COL6A5: variants seen among roughly 807,000 people sequenced by gnomAD.
The protein encoded by COL6A5 is collagen alpha-5(VI) chain.
COL6A5 carries 48 observed loss-of-function variants against 65.6 expected under a neutral mutation model. That is an observed-to-expected ratio of 0.73 (90% confidence interval 0.58 to 0.93). COL6A5 has a LOEUF of 0.93. COL6A5 is among the 40% of genes least tolerant of loss of function. The pLI is 0.00. For synonymous variants in COL6A5, 291 were observed against 322.8 expected (o/e 0.90, Z 1.05); for missense variants, 914 against 928.3 (o/e 0.98, Z 0.20).
rs546584990 is a variant in COL6A5, at chr3:130,417,757, A to G, written c.4887+938A>G. Among the ~76,000 whole-genome samples the G allele has an allele frequency of 7.9e-5, 12 of 152,260 alleles. No homozygotes were observed. In the East Asian group the frequency reaches 2.3e-3, roughly 30 times the overall value. On this transcript the variant is annotated intron_variant and NMD_transcript_variant, in intron 24 of 41. Transcript: ENST00000312481. ...GGTCCTGTGACCTGTGCAGCCACAC[A>G]GGTGGCCTTGCTGAGAAGAACCCCC...
At chr3:130,374,020 A>C (rs953672386) in intron 2 of COL6A5, among the ~76,000 whole-genome samples, 1 of 152,192 alleles carries the variant, frequency 6.6e-6, no homozygotes, top group African/African-American at 2.4e-5. Context: ...CTCATAAATG[A>C]AAGAAAAGGA....
intron 25 of COL6A5, among the ~76,000 whole-genome samples, chr3:130,419,277 G>A (rs562233015): frequency 6.6e-6 from 1 of 152,218 alleles, no homozygotes; most frequent in South Asian, 2.1e-4. Context: ...AGTCTAAGGT[G>A]ACAATAAGAG....
At chr3:130,431,297 T>G, upstream of COL6A5, 1 of 774,464 alleles carries the variant, frequency 1.3e-6, no homozygotes, top group Non-Finnish European at 2.2e-6. Context: ...GCTTCAAGTT[T>G]GCAGGCCAGA....
intron 1 of COL6A5, among the ~76,000 whole-genome samples, chr3:130,437,965 C>T (rs180676110): frequency 8.7e-4 from 132 of 151,958 alleles, no homozygotes; most frequent in Middle Eastern, 6.8e-3. Context: ...CCCACTAGAA[C>T]GTAAGATAGA....
In COL6A5 at chr3:130,370,588, A is replaced by G. The variant is rs541110095; in HGVS notation, c.-28-3023A>G. ...AATAAGCTTATATCTGAAGAAAATTATTCATTTCAGAAGCATGAACAATAA... is the reference window on the plus strand; with the variant it reads ...AATAAGCTTATATCTGAAGAAAATTGTTCATTTCAGAAGCATGAACAATAA... On this transcript the variant is annotated intron_variant and NMD_transcript_variant, in intron 1 of 41. Coordinates refer to the COL6A5 transcript ENST00000312481. Among the ~76,000 whole-genome samples, 68 of 152,316 alleles carry G rather than the reference A, an allele frequency of 4.5e-4. No homozygotes were observed. The Middle Eastern group carries it at 0.01, about 23-fold the overall frequency.
chr3:130,482,065 C>T (rs1249564492), intron 7 of COL6A5, among the ~76,000 whole-genome samples: 1 of 152,116 alleles, frequency 6.6e-6, no homozygotes, highest in Non-Finnish European at 1.5e-5. Context: ...TTCCATTTGT[C>T]AATTTTGGCT....
intron 1 of COL6A5, among the ~76,000 whole-genome samples, 171 bp from the exon 2 acceptor site, chr3:130,373,440 G>A (rs1420255176): frequency 6.6e-6 from 1 of 152,124 alleles, no homozygotes; most frequent in African/African-American, 2.4e-5. Context: ...GCAAACATTA[G>A]CATTAATATT....
At chr3:130,376,339 T>C in exon 3 of COL6A5, 1 of 1,613,740 alleles carries the variant, frequency 6.2e-7, no homozygotes, top group South Asian at 1.1e-5. Flanking sequence ...AACAAAATGA[T>C]CAACAGTCTC....
At chr3:130,347,544 T>C (rs758547680) in intron 1 of COL6A5, among the ~76,000 whole-genome samples, 2 of 152,158 alleles carry the variant, frequency 1.3e-5, no homozygotes, top group South Asian at 4.1e-4. Flanking sequence ...CCATCTTGAA[T>C]CATAGCTACA....
chr3:130,413,686 AG>A, intron 21 of COL6A5, 106 bp downstream of exon 21: 1 of 1,165,138 alleles, frequency 8.6e-7, no homozygotes, highest in African/African-American at 1.5e-5. Context: ...ACAAGGGTAT[AG>A]GAAGTGCCCA....
At chr3:130,352,461 T>A (rs1453262) in intron 1 of COL6A5, among the ~76,000 whole-genome samples, 1 of 151,960 alleles carries the variant, frequency 6.6e-6, no homozygotes, top group African/African-American at 2.4e-5. Flanking sequence ...CGGTGTGAAA[T>A]TAGAGTAATA....
chr3:130,401,284 C>G, intron 11 of COL6A5, 111 bp downstream of exon 11: 4 of 951,824 alleles, frequency 4.2e-6, no homozygotes, highest in Non-Finnish European at 6.2e-6. Context: ...AAATTAAGTG[C>G]TTTGTCCTTA....
At chr3:130,452,214 G>GACCAAACCGATGACGTTTCTCCGC (rs1709459815) in intron 4 of COL6A5, among the ~76,000 whole-genome samples, 1 of 152,076 alleles carries the variant, frequency 6.6e-6, no homozygotes, top group African/African-American at 2.4e-5. Flanking sequence ...TGTTTCTGTG[G>GACCAAACCGATGACGTTTCTCCGC]ACCAAACCGA....
intron 5 of COL6A5, among the ~76,000 whole-genome samples, chr3:130,459,656 C>T (rs1291682865): frequency 6.6e-6 from 1 of 151,964 alleles, no homozygotes; most frequent in Non-Finnish European, 1.5e-5. Flanking sequence ...CTGGCAGACT[C>T]ACTAGACAGG....
intron 25 of COL6A5, among the ~76,000 whole-genome samples, chr3:130,419,694 A>G (rs1937468489): frequency 6.6e-6 from 1 of 152,198 alleles, no homozygotes; most frequent in African/African-American, 2.4e-5. Flanking sequence ...GATCTCACTT[A>G]TAGGTGAAAT....
At chr3:130,455,401 T>G in intron 4 of COL6A5, 54 bp from the exon 37 acceptor site, 1 of 1,048,800 alleles carries the variant, frequency 9.5e-7, no homozygotes, top group Non-Finnish European at 1.4e-6. Context: ...GATGTTTTAT[T>G]TGCCTCCTTC....
chr3:130,361,207 T>C (rs903452493), intron 1 of COL6A5, among the ~76,000 whole-genome samples: 1 of 152,092 alleles, frequency 6.6e-6, no homozygotes, highest in African/African-American at 2.4e-5. Context: ...TCAGACAGAA[T>C]AGTTTTTAAA....
exon 3 of COL6A5, chr3:130,440,429 G>A: frequency 6.2e-7 from 1 of 1,613,610 alleles, no homozygotes; most frequent in Non-Finnish European, 8.5e-7. Context: ...AACAGAGTTT[G>A]ATTTCATCAC....
At chr3:130,388,861 G>A in exon 6 of COL6A5, 1 of 1,551,274 alleles carries the variant, frequency 6.4e-7, no homozygotes, top group Non-Finnish European at 8.7e-7. Context: ...AAATTTTGTA[G>A]GTCAATACTT....
Sources: allele counts gnomAD v4.1 joint callset (sites outside exome capture counted in the v4.1 genomes callset), GRCh38; gene constraint gnomAD v4.1.1; transcripts MANE v1.5; gene names NCBI Gene and HGNC (gene_info 2026-07-23, HGNC 2026-07-21).